ZNF618: variants seen among roughly 807,000 people sequenced by gnomAD.
ZNF618 encodes zinc finger protein 618.
In ZNF618, 34 loss-of-function variants were observed where a neutral mutation model predicts 103.0. The observed-to-expected ratio is 0.33, with a 90% CI of 0.25 to 0.44. The LOEUF (loss-of-function observed/expected upper bound fraction) is 0.44. ZNF618 is among the 20% of genes least tolerant of loss of function. The pLI is 1.00. For missense variants in ZNF618, 1,059 were observed against 1,295.4 expected (o/e 0.82, Z 2.80); for synonymous variants, 551 against 542.2 (o/e 1.02, Z -0.23).
At chr9:113,913,582 C>A (rs1322332609) in intron 1 of ZNF618, among the ~76,000 whole-genome samples, 1 of 152,250 alleles carries the variant, frequency 6.6e-6, no homozygotes, top group Non-Finnish European at 1.5e-5. Context: ...GCTCTGGGCC[C>A]AGCTGTTGCT....
At position 114,028,786 on chromosome 9, in the gene ZNF618, T is replaced by C; in HGVS notation, c.898T>C (p.Ser300Pro). The change falls in exon 11 of 15, where the codon TCA becomes CCA. Residue 300 changes from serine to proline, a missense_variant. Ser to Pro is a moderately conservative substitution (Grantham distance 74). Transcript: ENST00000374126. Reference sequence around the variant, plus strand: ...TGATCCAGACACGGGCTCTGAGTGTTCACATCCAGAGGTCTCCCCATCTCC... The same window carrying C: ...TGATCCAGACACGGGCTCTGAGTGTCCACATCCAGAGGTCTCCCCATCTCC... ...PDDPDTGSEC[S>P]HPEVSPSPRF... The C allele has an allele frequency of 1.9e-6, 3 of 1,550,472 alleles. No homozygotes were observed. The highest frequency in any genetic ancestry group is 2.6e-6 in the Non-Finnish European group (3 of 1,146,964).
intron 13 of ZNF618, 66 bp downstream of exon 13, chr9:114,036,443 G>C (rs1844618600): frequency 1.5e-5 from 22 of 1,510,570 alleles, no homozygotes; most frequent in Non-Finnish European, 2.0e-5. Context: ...GAGATGGTTA[G>C]GGCCTGACCT....
At chr9:113,945,374 C>T (rs533238456) in intron 1 of ZNF618, among the ~76,000 whole-genome samples, 2 of 152,222 alleles carry the variant, frequency 1.3e-5, no homozygotes, top group African/African-American at 4.8e-5. Flanking sequence ...TGTGTTCCTT[C>T]TCCGCATGTA....
At chr9:114,044,702 A>T (rs180790071) in intron 13 of ZNF618, among the ~76,000 whole-genome samples, 35 of 152,200 alleles carry the variant, frequency 2.3e-4, no homozygotes, top group Admixed American at 2.0e-3. Flanking sequence ...TGTTTGTGTC[A>T]TCTATGATTT....
chr9:114,002,821 G>A (rs973804830), intron 6 of ZNF618, among the ~76,000 whole-genome samples, 159 bp downstream of exon 6: 11 of 152,222 alleles, frequency 7.2e-5, no homozygotes, highest in African/African-American at 1.9e-4. Flanking sequence ...TTACAAAACC[G>A]CAATGCGGTA....
intron 7 of ZNF618, among the ~76,000 whole-genome samples, chr9:114,007,728 A>G (rs1013211824): frequency 3.9e-5 from 6 of 152,246 alleles, no homozygotes; most frequent in African/African-American, 1.4e-4. Flanking sequence ...GTAGTTTCAT[A>G]TTGAGCATTT....
chr9:113,879,027 A>G (rs1341131499), intron 1 of ZNF618, among the ~76,000 whole-genome samples: 1 of 151,642 alleles, frequency 6.6e-6, no homozygotes, highest in East Asian at 1.9e-4. Context: ...TAAGTAGCAT[A>G]ATTAAAAAAA....
chr9:113,978,896 T>G (rs1838728024), intron 2 of ZNF618, among the ~76,000 whole-genome samples: 1 of 152,144 alleles, frequency 6.6e-6, no homozygotes, highest in African/African-American at 2.4e-5. Context: ...CAGCATGTCA[T>G]AAGCACTCAT....
Position 114,051,023 on chromosome 9 carries a change from A to T in ZNF618, c.*856A>T, listed in dbSNP as rs983691570. The T allele has an allele frequency of 2.0e-5, 3 of 152,658 alleles. No individual in the cohort carries two copies. The highest frequency in any genetic ancestry group is 7.2e-5 in the African/African-American group (3 of 41,456). 9.5% of individuals were successfully genotyped at this position (152,658 alleles called of 1,614,324 possible). A position where few individuals can be genotyped will look rare whatever the true frequency, so the allele number is the denominator to read the frequency against. On this transcript the variant is annotated 3_prime_UTR_variant, in exon 15 of 15. Transcript: ENST00000374126. ...AGGAGAAAAAGACATTTTTCAGAGA[A>T]GTATAGATACTGTCTCCACTCCCTA... is the stretch of plus-strand genomic sequence containing the variant.
At chr9:113,990,229 C>T (rs1056233327) in intron 3 of ZNF618, among the ~76,000 whole-genome samples, 1 of 152,170 alleles carries the variant, frequency 6.6e-6, no homozygotes, top group South Asian at 2.1e-4. Flanking sequence ...CTGTTTCTAC[C>T]CTGCTCCTCA....
At chr9:114,036,476 C>A in intron 13 of ZNF618, 99 bp downstream of exon 13, 1 of 1,273,176 alleles carries the variant, frequency 7.9e-7, no homozygotes, top group Non-Finnish European at 1.1e-6. Flanking sequence ...GAAGGCCGCT[C>A]TTTCCTGGAA....
intron 1 of ZNF618, among the ~76,000 whole-genome samples, chr9:113,884,734 A>T (rs531309379): frequency 6.6e-6 from 1 of 151,864 alleles, no homozygotes; most frequent in East Asian, 1.9e-4. Flanking sequence ...CCCATGGGAC[A>T]TGAAGCCAGT....
intron 1 of ZNF618, among the ~76,000 whole-genome samples, chr9:113,879,180 G>T (rs1828253667): frequency 6.6e-6 from 1 of 151,750 alleles, no homozygotes; most frequent in Non-Finnish European, 1.5e-5. Flanking sequence ...GGGTGGAGGG[G>T]GGTAGGGGCA....
chr9:113,992,261 A>G, intron 3 of ZNF618, among the ~76,000 whole-genome samples: 1 of 152,036 alleles, frequency 6.6e-6, no homozygotes, highest in South Asian at 2.1e-4. Flanking sequence ...GGTACCCATG[A>G]CCTCCTTATT....
chr9:113,948,664 T>G (rs1339486595), intron 1 of ZNF618, among the ~76,000 whole-genome samples: 1 of 152,236 alleles, frequency 6.6e-6, no homozygotes, highest in Non-Finnish European at 1.5e-5. Context: ...TCCATCCACA[T>G]ATTTTTGAGG....
intron 1 of ZNF618, among the ~76,000 whole-genome samples, chr9:113,962,145 T>C (rs1304154694): frequency 6.6e-6 from 1 of 152,246 alleles, no homozygotes; most frequent in African/African-American, 2.4e-5. Context: ...TGTAAAGTAC[T>C]GTGCTGATGG....
At chr9:114,035,138 C>T (rs1844471037) in intron 12 of ZNF618, 6 of 979,924 alleles carry the variant, frequency 6.1e-6, no homozygotes, top group Non-Finnish European at 7.3e-6. Context: ...TTATGACTAT[C>T]AGCACAGAAC....
intron 6 of ZNF618, among the ~76,000 whole-genome samples, chr9:114,003,315 T>G (rs959076022): frequency 6.6e-6 from 1 of 152,202 alleles, no homozygotes; most frequent in Non-Finnish European, 1.5e-5. Context: ...TAGACTAGGA[T>G]GGAATCTCCC....
intron 2 of ZNF618, among the ~76,000 whole-genome samples, chr9:113,973,442 A>G (rs1838191411): frequency 1.3e-5 from 2 of 152,178 alleles, no homozygotes; most frequent in African/African-American, 4.8e-5. Context: ...AATCAACAGC[A>G]TGGGCTGCTA....
Sources: gnomAD v4.1 joint callset for allele counts (sites outside exome capture counted in the v4.1 genomes callset) on GRCh38, gnomAD v4.1.1 for gene constraint, MANE v1.5 for transcripts, NCBI Gene and HGNC (gene_info 2026-07-23, HGNC 2026-07-21) for gene names.